FAM174C: variants seen among roughly 807,000 people sequenced by gnomAD.
FAM174C encodes the protein protein FAM174C.
In FAM174C, 19 loss-of-function variants were observed where a neutral mutation model predicts 12.3. The ratio of observed to expected loss-of-function variants is 1.55; its 90% CI spans 1.08 to 2.27. The LOEUF (loss-of-function observed/expected upper bound fraction) is 2.27, where lower values mean the gene tolerates loss of function less well. FAM174C is among the 30% of genes most tolerant of loss of function. FAM174C has a pLI of 0.00. For missense variants in FAM174C, 239 were observed against 190.2 expected, an observed-to-expected ratio of 1.26 and a Z score of -1.51; for synonymous variants, 147 against 103.5, an observed-to-expected ratio of 1.42 and a Z score of -2.55.
intron 2 of FAM174C, 38 bp downstream of exon 2, chr19:1,277,337 A>C (rs2081420172): frequency 2.6e-6 from 4 of 1,526,114 alleles, no homozygotes; most frequent in Non-Finnish European, 3.5e-6. Context: ...CTCGGTGGGC[A>C]GGCTGGGCTG....
At position 1,275,823 on chromosome 19, in the gene FAM174C, G is replaced by A. The variant is rs1364510564; in HGVS notation, c.274G>A (p.Ala92Thr). ...GACCGCGCTCTACTTCCTGATCCGGGCGTTTAGGTGCGTCAGGCGCACGTG... is the reference window on the plus strand; with the variant it reads ...GACCGCGCTCTACTTCCTGATCCGGACGTTTAGGTGCGTCAGGCGCACGTG... Reference protein sequence around the residue: ...GLTALYFLIRAFRLKKPQRRR... With the variant: ...GLTALYFLIRTFRLKKPQRRR... The change falls in exon 1 of 3, where the codon GCG becomes ACG. Residue 92 changes from alanine (A) to threonine (T), a missense_variant. By Grantham distance (58) the Ala-to-Thr change is moderately conservative. Coordinates refer to ENST00000409293, the MANE Select transcript of FAM174C (RefSeq NM_017914.4). 8 of 1,536,492 alleles carry A rather than the reference G, an allele frequency of 5.2e-6. No homozygotes were observed. Among genetic ancestry groups the A allele is most frequent in the Non-Finnish European group, 7.0e-6 (8 of 1,146,200 alleles).
chr19:1,275,544 CG>C lies in FAM174C; in HGVS notation c.-3del. ...GGCGGGGCGCCGCCACCGCTTCCGC[CG>C]GGCCATGGGGCCGCGCGTGCTGCAG... On this transcript the variant is annotated 5_prime_UTR_variant, in exon 1 of 3. Transcript: ENST00000409293. The C allele has an allele frequency of 2.5e-6, 3 of 1,206,996 alleles. No individual in the cohort carries two copies. Among genetic ancestry groups the C allele is most frequent in the Non-Finnish European group, 3.1e-6 (3 of 972,432 alleles). 74.8% of individuals were successfully genotyped at this position (1,206,996 alleles called of 1,614,324 possible). A position where few individuals can be genotyped will look rare whatever the true frequency, so the allele number is the denominator to read the frequency against.
chr19:1,275,591 G>C lies in FAM174C; in HGVS notation c.42G>C (p.Leu14=), dbSNP rs2081407999. 8.0e-7 allele frequency: 1 copy of C among 1,242,878 alleles called. No homozygotes were observed. Among genetic ancestry groups the C allele is most frequent in the Non-Finnish European group, 1.0e-6 (1 of 996,824 alleles). 77.0% of individuals were successfully genotyped at this position (1,242,878 alleles called of 1,614,324 possible). The change falls in exon 1 of 3, where the codon CTG becomes CTC. Residue 14 remains leucine (L), a synonymous_variant. Transcript: ENST00000409293. ...RVLQPPLLLL[L]LALLLAALPC... ...TGCAGCCGCCGCTGCTGCTGCTCCT[G>C]CTGGCGCTGCTGCTGGCGGCGCTGC...
intron 2 of FAM174C, among the ~76,000 whole-genome samples, chr19:1,277,609 T>C (rs933970923): frequency 1.3e-5 from 2 of 152,144 alleles, no homozygotes; most frequent in Non-Finnish European, 2.9e-5. Flanking sequence ...TAGCTGGGAT[T>C]ACAGGCACCC....
intron 1 of FAM174C, 86 bp from the exon 2 acceptor site, chr19:1,277,097 T>G: frequency 2.0e-6 from 3 of 1,477,100 alleles, no homozygotes; most frequent in Non-Finnish European, 1.8e-6. Context: ...GGGGCTCCAG[T>G]AGAGGACGGC....
chr19:1,277,264 C>G lies in FAM174C; in HGVS notation c.363C>G (p.Asp121Glu). 1 of 1,549,272 alleles carries G rather than the reference C, an allele frequency of 6.5e-7. No homozygotes were observed. Among genetic ancestry groups the G allele is most frequent in the Non-Finnish European group, 8.7e-7 (1 of 1,145,542 alleles). ...CGGAGATGGCCTCGCTGGACAGCGACGAGGAGACGGTGTTTGAGTCCCGGA... is the reference window on the plus strand; with the variant it reads ...CGGAGATGGCCTCGCTGGACAGCGAGGAGGAGACGGTGTTTGAGTCCCGGA... ...DPTEMASLDS[D>E]EETVFESRNL... The change falls in exon 2 of 3, where the codon GAC (aspartate) becomes GAG (glutamate). Residue 121 changes from aspartate (D) to glutamate (E), a missense_variant. Transcript: ENST00000409293.
At chr19:1,278,742 C>T in intron 2 of FAM174C, 35 bp from the exon 3 acceptor site, 1 of 1,610,702 alleles carries the variant, frequency 6.2e-7, no homozygotes, top group Non-Finnish European at 8.5e-7. Flanking sequence ...GGGCCCTTCA[C>T]TCCTTCCCTC....
Position 1,279,216 on chromosome 19 carries a change from C to A in FAM174C, c.*439C>A. On this transcript the variant is annotated 3_prime_UTR_variant, in exon 3 of 3. Transcript: ENST00000409293. ...GCCGGGCTGGGAACAATAAATGCAG[C>A]CATGTCTCTGCAGCTGGTGCTGACC... is the stretch of plus-strand genomic sequence containing the variant. The A allele has an allele frequency of 6.2e-7, 1 of 1,604,460 alleles. No individual in the cohort carries two copies. Among genetic ancestry groups the A allele is most frequent in the Non-Finnish European group, 8.5e-7 (1 of 1,175,240 alleles).
rs2144596455 is a variant in FAM174C at position 1,275,761 on chromosome 19, C to T, written c.212C>T (p.Thr71Met). ...RPPGASGSAL[T>M]RSFYVILGFC... ...CCGGGGGCGTCGGGCTCGGCGCTGA[C>T]GCGCTCCTTCTACGTGATCCTGGGC... is the stretch of plus-strand genomic sequence containing the variant. The change falls in exon 1 of 3, where the codon ACG becomes ATG. Residue 71 changes from threonine to methionine, a missense_variant. Coordinates refer to ENST00000409293, the MANE Select transcript of FAM174C (RefSeq NM_017914.4). 2.6e-6 allele frequency: 4 copies of T among 1,538,970 alleles called. No homozygotes were observed. In the South Asian group the frequency reaches 3.6e-5, roughly 14 times the overall value.
At position 1,275,607 on chromosome 19, in the gene FAM174C, G is replaced by C; in HGVS notation, c.58G>C (p.Ala20Pro). ...GCTGCTCCTGCTGGCGCTGCTGCTGGCGGCGCTGCCGTGCGGTGCCGAAGA... is the reference window on the plus strand; with the variant it reads ...GCTGCTCCTGCTGGCGCTGCTGCTGCCGGCGCTGCCGTGCGGTGCCGAAGA... ...LLLLLLALLL[A>P]ALPCGAEEAS... The change falls in exon 1 of 3, where the codon GCG becomes CCG. Residue 20 changes from alanine (A) to proline (P), a missense_variant. Coordinates refer to ENST00000409293, the MANE Select transcript of FAM174C (RefSeq NM_017914.4). The C allele has an allele frequency of 8.0e-7, 1 of 1,253,174 alleles. No homozygotes were observed. The highest frequency in any genetic ancestry group is 1.0e-6 in the Non-Finnish European group (1 of 1,001,758). 77.6% of individuals were successfully genotyped at this position (1,253,174 alleles called of 1,614,324 possible).
At position 1,278,766 on chromosome 19, in the gene FAM174C, CCT is replaced by C. The variant is rs1568849784; in HGVS notation, c.*-10_*-9del. 1 of 1,612,330 alleles carries C rather than the reference CCT, an allele frequency of 6.2e-7. No homozygotes were observed. The highest frequency in any genetic ancestry group is 2.2e-5 in the East Asian group (1 of 44,880). On this transcript the variant is annotated splice_polypyrimidine_tract_variant and intron_variant, in intron 2 of 2. Coordinates refer to ENST00000409293, the MANE Select transcript of FAM174C (RefSeq NM_017914.4). The stretch of plus-strand genomic sequence containing the variant: ...ACTCCTTCCCTCTCACCCTTGACCC[CCT>C]GCTTTCAGATGCTGAGCCAGGGAGG...
chr19:1,278,572 C>T (rs1329580433), intron 2 of FAM174C, among the ~76,000 whole-genome samples: 7 of 151,558 alleles, frequency 4.6e-5, no homozygotes, highest in Admixed American at 4.6e-4. Context: ...TTTCTTCTAC[C>T]TCCTGGCTGG....
At chr19:1,277,464 C>G (rs565991945) in intron 2 of FAM174C, among the ~76,000 whole-genome samples, 165 bp downstream of exon 2, 1 of 152,156 alleles carries the variant, frequency 6.6e-6, no homozygotes, top group Non-Finnish European at 1.5e-5. Context: ...TTCTCCCAGC[C>G]TCCATTTACA....
intron 1 of FAM174C, chr19:1,276,192 C>G (rs762962577): frequency 1.1e-5 from 3 of 271,466 alleles, no homozygotes; most frequent in Non-Finnish European, 2.1e-5. Context: ...GCCGGATGCC[C>G]GTCCTCGTTC....
chr19:1,275,813 C>A lies in FAM174C; in HGVS notation c.264C>A (p.Phe88Leu). Reference sequence around the variant, plus strand: ...TCTGCGGCCTGACCGCGCTCTACTTCCTGATCCGGGCGTTTAGGTGCGTCA... The same window carrying A: ...TCTGCGGCCTGACCGCGCTCTACTTACTGATCCGGGCGTTTAGGTGCGTCA... Reference protein sequence around the residue: ...LGFCGLTALYFLIRAFRLKKP... With the variant: ...LGFCGLTALYLLIRAFRLKKP... Residue 88 changes from phenylalanine to leucine, a missense_variant, in exon 1 of 3, where the codon TTC becomes TTA. Transcript: ENST00000409293. The A allele has an allele frequency of 6.5e-7, 1 of 1,537,590 alleles. No individual in the cohort carries two copies. The highest frequency in any genetic ancestry group is 2.5e-5 in the East Asian group (1 of 40,754).
rs542675945 is a variant in FAM174C at position 1,278,839 on chromosome 19, C to T, written c.*62C>T. 165 of 1,613,090 alleles carry T rather than the reference C, an allele frequency of 1.0e-4. No individual in the cohort carries two copies. In the South Asian group the frequency reaches 1.2e-3, roughly 12 times the overall value. ...AGGGAAGGACAGGAGATGGGGCCCA[C>T]CCCAGTGCCCAGCAACCCCCTGCTC... On this transcript the variant is annotated 3_prime_UTR_variant, in exon 3 of 3. Transcript: ENST00000409293.
rs1326408693 is a variant in FAM174C at position 1,277,316 on chromosome 19, A to C, written c.398+17A>C. Reference sequence around the variant, plus strand: ...TCTGAGATGGTGTGCACCCTTCCCCAGCTCTGGGGCCTCGGTGGGCAGGCT... The same window carrying C: ...TCTGAGATGGTGTGCACCCTTCCCCCGCTCTGGGGCCTCGGTGGGCAGGCT... On this transcript the variant is annotated intron_variant, in intron 2 of 2. Coordinates refer to ENST00000409293, the MANE Select transcript of FAM174C (RefSeq NM_017914.4). 3 of 1,531,036 alleles carry C rather than the reference A, an allele frequency of 2.0e-6. No homozygotes were observed. Among genetic ancestry groups the C allele is most frequent in the South Asian group, 2.4e-5 (2 of 83,556 alleles). The allele number at this position is 1,531,036 out of a possible 1,614,324, so 94.8% of individuals were successfully genotyped here.
At position 1,279,203 on chromosome 19, in the gene FAM174C, A is replaced by G. The variant is rs753178461; in HGVS notation, c.*426A>G. On this transcript the variant is annotated 3_prime_UTR_variant, in exon 3 of 3. Transcript: ENST00000409293. ...GGAACACCTTCTCGCCGGGCTGGGAACAATAAATGCAGCCATGTCTCTGCA... is the reference window on the plus strand; with the variant it reads ...GGAACACCTTCTCGCCGGGCTGGGAGCAATAAATGCAGCCATGTCTCTGCA... 2 of 1,609,976 alleles carry G rather than the reference A, an allele frequency of 1.2e-6. No individual in the cohort carries two copies. The highest frequency in any genetic ancestry group is 1.7e-5 in the Admixed American group (1 of 59,840).
chr19:1,275,725 A>T lies in FAM174C; in HGVS notation c.176A>T (p.His59Leu), dbSNP rs1335689716. 4 of 1,533,098 alleles carry T rather than the reference A, an allele frequency of 2.6e-6. No individual in the cohort carries two copies. The highest frequency in any genetic ancestry group is 3.5e-6 in the Non-Finnish European group (4 of 1,144,050). The allele number at this position is 1,533,098 out of a possible 1,614,324, so 95.0% of individuals were successfully genotyped here. ...CCGGGCGCGCCACACAACAGCACGCACACGCGTCCGCCGGGGGCGTCGGGC... is the reference window on the plus strand; with the variant it reads ...CCGGGCGCGCCACACAACAGCACGCTCACGCGTCCGCCGGGGGCGTCGGGC... ...SQPGAPHNST[H>L]TRPPGASGSA... The change falls in exon 1 of 3, where the codon CAC becomes CTC. Residue 59 changes from histidine (H) to leucine (L), a missense_variant. By Grantham distance (99) the His-to-Leu change is moderately conservative (BLOSUM62 -3). Coordinates refer to ENST00000409293, the MANE Select transcript of FAM174C (RefSeq NM_017914.4).
Sources: allele counts gnomAD v4.1 joint callset (sites outside exome capture counted in the v4.1 genomes callset), GRCh38; gene constraint gnomAD v4.1.1; transcripts MANE v1.5; gene names NCBI Gene and HGNC (gene_info 2026-07-23, HGNC 2026-07-21).